Variants in GALNT13 observed in about 807,000 individuals in gnomAD.
GALNT13 encodes polypeptide N-acetylgalactosaminyltransferase 13.
A neutral mutation model predicts 64.2 loss-of-function variants in GALNT13; 28 were observed. That is an observed-to-expected ratio of 0.44 (90% CI 0.32 to 0.60). The LOEUF (loss-of-function observed/expected upper bound fraction) is 0.60, where lower values mean the gene tolerates loss of function less well. Ranked by LOEUF, GALNT13 falls within the 20% of genes least tolerant of loss-of-function variation. The pLI, the probability that GALNT13 is intolerant of heterozygous loss-of-function variation, is 0.05. For missense variants in GALNT13, 577 were observed against 669.8 expected, an observed-to-expected ratio of 0.86 and a Z score of 1.53; for synonymous variants, 214 against 224.6, an observed-to-expected ratio of 0.95 and a Z score of 0.42.
chr2:153,401,965 T>C, the GALNT13 span, among the ~76,000 whole-genome samples: 3 of 149,370 alleles, frequency 2.0e-5, no homozygotes, highest in Non-Finnish European at 4.5e-5. Context: ...TTTGATCCTG[T>C]CATTATGATG....
the GALNT13 span, among the ~76,000 whole-genome samples, chr2:153,185,358 A>G: frequency 6.6e-6 from 1 of 151,880 alleles, no homozygotes; most frequent in African/African-American, 2.4e-5. Flanking sequence ...TTTATTCTTT[A>G]TTAGTCTACC....
intron 8 of GALNT13, chr2:154,287,550 A>C: frequency 4.2e-6 from 1 of 238,294 alleles, no homozygotes; most frequent in Non-Finnish European, 8.5e-6. Context: ...TAGTTCATCA[A>C]TCCTTCTTCT....
intron 4 of GALNT13, among the ~76,000 whole-genome samples, chr2:154,145,100 C>A (rs10931930): frequency 0.4 from 46,323 of 117,246 alleles, 9,622 homozygotes; most frequent in East Asian, 0.64. Flanking sequence ...ATCTATCTAT[C>A]TATATATATA....
At chr2:153,954,216 G>A (rs1188447209) in intron 3 of GALNT13, among the ~76,000 whole-genome samples, 1 of 151,976 alleles carries the variant, frequency 6.6e-6, no homozygotes, top group African/African-American at 2.4e-5. Context: ...TAAAATATAT[G>A]GCTTCATCTT....
At chr2:153,236,636 G>A in the GALNT13 span, among the ~76,000 whole-genome samples, 1 of 152,012 alleles carries the variant, frequency 6.6e-6, no homozygotes, top group African/African-American at 2.4e-5. Context: ...AATATTTTAA[G>A]CTGACTGTTG....
the GALNT13 span, among the ~76,000 whole-genome samples, chr2:153,836,503 CTT>C: frequency 6.9e-6 from 1 of 145,708 alleles, no homozygotes; most frequent in African/African-American, 2.5e-5. Flanking sequence ...AACCATTGTT[CTT>C]TTTTTTTTTA....
At chr2:153,503,529 C>T in the GALNT13 span, among the ~76,000 whole-genome samples, 1 of 152,164 alleles carries the variant, frequency 6.6e-6, no homozygotes, top group Non-Finnish European at 1.5e-5. Flanking sequence ...CAACCTCTGC[C>T]TCCTGGGTTC....
At chr2:153,443,140 G>T in the GALNT13 span, among the ~76,000 whole-genome samples, 1 of 152,160 alleles carries the variant, frequency 6.6e-6, no homozygotes, top group East Asian at 1.9e-4. Context: ...CCAAATGGCT[G>T]CCCAGTTTTG....
chr2:153,567,247 C>T, the GALNT13 span, among the ~76,000 whole-genome samples: 4 of 152,138 alleles, frequency 2.6e-5, no homozygotes, highest in Non-Finnish European at 4.4e-5. Context: ...CTGGAGTTGT[C>T]AGAAGGGCCA....
the GALNT13 span, among the ~76,000 whole-genome samples, chr2:153,636,100 A>G: frequency 6.6e-6 from 1 of 152,058 alleles, no homozygotes; most frequent in South Asian, 2.1e-4. Context: ...CAGACACAAA[A>G]CGCCCGTTAT....
intron 3 of GALNT13, among the ~76,000 whole-genome samples, chr2:154,008,136 A>G (rs1483081412): frequency 1.3e-5 from 2 of 152,120 alleles, no homozygotes; most frequent in Non-Finnish European, 2.9e-5. Context: ...TCAACTCCCA[A>G]ATTCCAGTAC....
chr2:153,322,522 C>T, the GALNT13 span, among the ~76,000 whole-genome samples: 92 of 152,122 alleles, frequency 6.0e-4, 1 homozygote, highest in Middle Eastern at 6.8e-3. Context: ...ATTTATTATA[C>T]TTTAAGTTCT....
chr2:153,483,410 CTTTT>C, the GALNT13 span, among the ~76,000 whole-genome samples: 1 of 71,774 alleles, frequency 1.4e-5, no homozygotes, highest in Non-Finnish European at 2.6e-5. Context: ...GAATAAAATT[CTTTT>C]TTTTTTTTTT....
chr2:153,220,489 C>G, the GALNT13 span, among the ~76,000 whole-genome samples: 17 of 152,312 alleles, frequency 1.1e-4, no homozygotes, highest in African/African-American at 4.1e-4. Flanking sequence ...CTTCAGTAAA[C>G]ACACTGCGCA....
intron 11 of GALNT13, among the ~76,000 whole-genome samples, chr2:154,429,145 A>T (rs764526814): frequency 1.2e-4 from 18 of 152,194 alleles, no homozygotes; most frequent in Admixed American, 1.2e-3. Flanking sequence ...CTACAATGGC[A>T]TCTGTGTGTT....
the GALNT13 span, among the ~76,000 whole-genome samples, chr2:153,798,825 A>G: frequency 2.0e-5 from 3 of 152,278 alleles, no homozygotes; most frequent in Admixed American, 2.0e-4. Flanking sequence ...TTTAGGTTTT[A>G]CTACCTTTTA....
At chr2:153,079,953 TA>T in the GALNT13 span, among the ~76,000 whole-genome samples, 1 of 152,194 alleles carries the variant, frequency 6.6e-6, no homozygotes, top group Admixed American at 6.5e-5. Context: ...CATCAGAATA[TA>T]GAAAATAAAA....
intron 4 of GALNT13, among the ~76,000 whole-genome samples, chr2:154,163,976 T>C (rs1468672301): frequency 6.6e-6 from 1 of 152,198 alleles, no homozygotes; most frequent in African/African-American, 2.4e-5. Flanking sequence ...TAGGATTTCA[T>C]CTTAAAATGA....
At chr2:154,354,620 T>C (rs869085867) in intron 9 of GALNT13, among the ~76,000 whole-genome samples, 1 of 79,078 alleles carries the variant, frequency 1.3e-5, no homozygotes, top group African/African-American at 3.7e-5. Flanking sequence ...AATCTCACTT[T>C]TTTTTTTTTT....
Sources: gnomAD v4.1 joint callset for allele counts (sites outside exome capture counted in the v4.1 genomes callset) on GRCh38, gnomAD v4.1.1 for gene constraint, MANE v1.5 for transcripts, NCBI Gene and HGNC (gene_info 2026-07-23, HGNC 2026-07-21) for gene names.